CFAP47: variants seen among roughly 807,000 people sequenced by gnomAD.
CFAP47 encodes cilia- and flagella-associated protein 47.
CFAP47 carries 29 observed loss-of-function variants against 148.1 expected under a neutral mutation model. That is an observed-to-expected ratio of 0.20 (90% CI 0.15 to 0.27). The LOEUF (loss-of-function observed/expected upper bound fraction) is 0.27. CFAP47 is among the 10% of genes least tolerant of loss of function. CFAP47 has a pLI of 1.00. For missense variants in CFAP47, 1,872 were observed against 1,697.5 expected (o/e 1.10, Z -1.81); for synonymous variants, 664 against 577.3 (o/e 1.15, Z -2.15).
At chrX:36,122,554 C>G (rs936580356) in intron 33 of CFAP47, among the ~76,000 whole-genome samples, 1 of 111,123 alleles carries the variant, frequency 9.0e-6, no homozygotes, top group Non-Finnish European at 1.9e-5. Flanking sequence ...CTCAGTAATT[C>G]TTTCTTTTGC....
intron 43 of CFAP47, 108 bp from the exon 44 acceptor site, chrX:36,201,166 G>A: frequency 3.4e-6 from 1 of 291,691 alleles, no homozygotes; most frequent in Admixed American, 6.1e-5. Context: ...GTTTCATAAT[G>A]ACCATAACTG....
chrX:36,232,913 A>G (rs1435219997), intron 46 of CFAP47, among the ~76,000 whole-genome samples: 1 of 111,982 alleles, frequency 8.9e-6, no homozygotes, highest in Non-Finnish European at 1.9e-5. Context: ...GTTTCCATGT[A>G]ATTGAGTGGT....
intron 21 of CFAP47, among the ~76,000 whole-genome samples, chrX:36,013,323 G>T (rs1937061034): frequency 9.0e-6 from 1 of 111,687 alleles, no homozygotes; most frequent in Non-Finnish European, 1.9e-5. Flanking sequence ...TGATTCACCT[G>T]CCTGGGTGCC....
intron 48 of CFAP47, among the ~76,000 whole-genome samples, chrX:36,244,637 A>G (rs1225003434): frequency 9.0e-6 from 1 of 111,714 alleles, no homozygotes; most frequent in Non-Finnish European, 1.9e-5. Context: ...TCTAAAGGAA[A>G]TTGATAAATT....
intron 1 of CFAP47, 27 bp downstream of exon 1, chrX:35,920,075 G>A: frequency 2.6e-6 from 3 of 1,146,945 alleles, no homozygotes; most frequent in Non-Finnish European, 3.5e-6. Context: ...TGCTGGGAGC[G>A]GGACCTTGTG....
chrX:36,285,742 A>G lies in CFAP47; in HGVS notation c.7686+16A>G, dbSNP rs904270395. 4 of 1,127,147 alleles carry G rather than the reference A, an allele frequency of 3.5e-6. No homozygotes were observed. Among genetic ancestry groups the G allele is most frequent in the Non-Finnish European group, 4.7e-6 (4 of 843,269 alleles). 92.9% of individuals were successfully genotyped at this position (1,127,147 alleles called of 1,213,427 possible). A position where few individuals can be genotyped will look rare whatever the true frequency, so the allele number is the denominator to read the frequency against. ...TATTGCTCTGGTAAGTGCCCATTGC[A>G]TGTTCATAGACTCTGTCATTTTGTG... On this transcript the variant is annotated intron_variant, in intron 51 of 63. Transcript: ENST00000378653.
intron 2 of CFAP47, among the ~76,000 whole-genome samples, chrX:35,928,167 C>T (rs974765493): frequency 9.1e-6 from 1 of 110,107 alleles, no homozygotes; most frequent in East Asian, 2.8e-4. Flanking sequence ...GATAAATGCT[C>T]ATGAGTGTAA....
chrX:36,310,342 A>C (rs1253260171), intron 55 of CFAP47, among the ~76,000 whole-genome samples: 1 of 110,971 alleles, frequency 9.0e-6, no homozygotes, highest in Non-Finnish European at 1.9e-5. Context: ...GGACTCGATG[A>C]TGGAGATAAA....
At chrX:36,373,024 C>T (rs1941987141) in intron 62 of CFAP47, among the ~76,000 whole-genome samples, 1 of 111,249 alleles carries the variant, frequency 9.0e-6, no homozygotes, top group African/African-American at 3.3e-5. Context: ...TCTCTTTTTG[C>T]TCAGAATTGC....
chrX:36,131,716 G>A (rs1329256479), intron 33 of CFAP47, among the ~76,000 whole-genome samples: 1 of 111,176 alleles, frequency 9.0e-6, no homozygotes, highest in Non-Finnish European at 1.9e-5. Context: ...AATGAACCTT[G>A]AAAATATTAT....
chrX:35,952,969 G>A (rs1362005559), intron 6 of CFAP47, among the ~76,000 whole-genome samples: 1 of 111,982 alleles, frequency 8.9e-6, no homozygotes, highest in African/African-American at 3.2e-5. Context: ...AGTTGAGTTT[G>A]CACTACTAGA....
intron 22 of CFAP47, among the ~76,000 whole-genome samples, chrX:36,027,126 GATTATATA>G (rs1937227632): frequency 9.8e-6 from 1 of 101,910 alleles, no homozygotes; most frequent in South Asian, 4.2e-4. Context: ...ATATATATAT[GATTATATA>G]TATATGATTA....
chrX:35,986,715 T>C (rs955732985), intron 15 of CFAP47, among the ~76,000 whole-genome samples: 1 of 111,401 alleles, frequency 9.0e-6, no homozygotes, highest in Non-Finnish European at 1.9e-5. Flanking sequence ...TTCAGCCTTT[T>C]TGCACTGATT....
intron 32 of CFAP47, among the ~76,000 whole-genome samples, chrX:36,103,862 C>G (rs899497837): frequency 1.5e-4 from 17 of 111,649 alleles, no homozygotes; most frequent in African/African-American, 4.9e-4. Flanking sequence ...TAGCTCTGTA[C>G]TATAGTACTT....
chrX:36,005,925 C>T (rs1936977378), intron 21 of CFAP47, among the ~76,000 whole-genome samples: 2 of 110,957 alleles, frequency 1.8e-5, no homozygotes, highest in African/African-American at 3.3e-5. Context: ...CATACACACA[C>T]ACACACAATT....
At chrX:36,140,302 G>A (rs1273069930) in intron 35 of CFAP47, among the ~76,000 whole-genome samples, 3 of 111,632 alleles carry the variant, frequency 2.7e-5, no homozygotes, top group African/African-American at 9.7e-5. Context: ...TAGAGTTTAA[G>A]CTGACCCTTG....
chrX:36,016,555 G>A (rs1361974545), intron 22 of CFAP47, among the ~76,000 whole-genome samples: 1 of 110,926 alleles, frequency 9.0e-6, no homozygotes, highest in African/African-American at 3.3e-5. Context: ...CCAGTAATCT[G>A]TTGATAGAAC....
chrX:35,988,535 A>C (rs1198248005), intron 15 of CFAP47, among the ~76,000 whole-genome samples: 1 of 111,916 alleles, frequency 8.9e-6, no homozygotes, highest in African/African-American at 3.3e-5. Context: ...AGTTTTTAAG[A>C]TTTAGAAAAC....
intron 2 of CFAP47, among the ~76,000 whole-genome samples, chrX:35,931,621 C>A (rs73466966): frequency 0.015 from 1,664 of 110,992 alleles, 28 homozygotes; most frequent in African/African-American, 0.051. Context: ...TTTTGCATTC[C>A]TGTAGGTTAA....
Sources: allele counts gnomAD v4.1 joint callset (sites outside exome capture counted in the v4.1 genomes callset), GRCh38; gene constraint gnomAD v4.1.1; transcripts MANE v1.5; gene names NCBI Gene and HGNC (gene_info 2026-07-23, HGNC 2026-07-21).